The following CLIP2 variants were observed in gnomAD, a reference collection of about 807,000 sequenced individuals.
CLIP2 encodes the protein CAP-Gly domain-containing linker protein 2.
A neutral mutation model predicts 111.7 loss-of-function variants in CLIP2; 41 were observed. The ratio of observed to expected loss-of-function variants is 0.37; its 90% CI spans 0.29 to 0.48. The LOEUF (loss-of-function observed/expected upper bound fraction) is 0.48, where lower values mean the gene tolerates loss of function less well. Among genes scored for constraint, CLIP2 ranks in the 20% least tolerant of loss-of-function variants. The probability of loss-of-function intolerance (pLI) is 0.99; values close to 1 mark genes in which losing one functional copy is unlikely to be tolerated. For synonymous variants in CLIP2, 660 were observed against 644.2 expected (o/e 1.02, Z -0.37); for missense variants, 1,160 against 1,422.1 (o/e 0.82, Z 2.96).
intron 13 of CLIP2, among the ~76,000 whole-genome samples, chr7:74,391,047 C>CA (rs1202946350): frequency 8.2e-5 from 12 of 146,518 alleles, no homozygotes; most frequent in Middle Eastern, 3.4e-3. Context: ...GAAACTCCAT[C>CA]AAAAAAAAAA....
intron 13 of CLIP2, among the ~76,000 whole-genome samples, chr7:74,390,132 GAGAGAAAGAAAGAA>G (rs1791233976): frequency 9.1e-6 from 1 of 110,054 alleles, no homozygotes; most frequent in Non-Finnish European, 1.7e-5. Context: ...AAGAGAGAGA[GAGAGAAAGAAAGAA>G]AGAAAAAGAA....
intron 2 of CLIP2, among the ~76,000 whole-genome samples, chr7:74,329,967 C>T (rs984923083): frequency 7.2e-5 from 11 of 151,846 alleles, no homozygotes; most frequent in Admixed American, 5.9e-4. Flanking sequence ...TTAGTAGAGA[C>T]GGGGTTTCGC....
intron 3 of CLIP2, among the ~76,000 whole-genome samples, chr7:74,340,673 G>A (rs1380123215): frequency 6.6e-6 from 1 of 152,096 alleles, no homozygotes; most frequent in African/African-American, 2.4e-5. Flanking sequence ...GGACAGGGCT[G>A]TGTCTTGCTG....
At position 74,380,809 on chromosome 7, in the gene CLIP2, A is replaced by T. The variant is rs1790920653; in HGVS notation, c.2425A>T (p.Ile809Phe). The change falls in exon 11 of 17, where the codon ATT becomes TTT. Residue 809 changes from isoleucine (I) to phenylalanine (F), a missense_variant. Ile to Phe is a conservative substitution (Grantham distance 21). Around this residue, in one of 5 missense-constraint regions of CLIP2, gnomAD observed 676 missense variants for 777.8 expected, o/e 0.87. Coordinates refer to ENST00000223398, the MANE Select transcript of CLIP2 (RefSeq NM_003388.5). The part of the protein sequence containing the change: ...ALCSSQHTHM[I>F]ESNDISEETI... ...CTTACAGGGGCTCTTTTTGCAGATG[A>T]TTGAGTCGAATGACATTTCAGAGGA... 6.2e-7 allele frequency: 1 copy of T among 1,606,240 alleles called. No homozygotes were observed. Among genetic ancestry groups the T allele is most frequent in the Admixed American group, 1.7e-5 (1 of 59,446 alleles).
intron 7 of CLIP2, among the ~76,000 whole-genome samples, chr7:74,363,682 C>T (rs926454734): frequency 1.5e-4 from 23 of 152,062 alleles, no homozygotes; most frequent in Non-Finnish European, 4.4e-5. Context: ...GCCAGGAGTT[C>T]GAGACCAGCC....
At chr7:74,359,038 C>T (rs1790236637) in intron 6 of CLIP2, among the ~76,000 whole-genome samples, 1 of 151,982 alleles carries the variant, frequency 6.6e-6, no homozygotes, top group Non-Finnish European at 1.5e-5. Context: ...GATCTTGGCT[C>T]ACTGCACCCT....
At chr7:74,320,239 G>A (rs889795697) in intron 2 of CLIP2, among the ~76,000 whole-genome samples, 2 of 149,200 alleles carry the variant, frequency 1.3e-5, no homozygotes, top group African/African-American at 4.9e-5. Flanking sequence ...AAAAAGAGCA[G>A]TGGGGGCCGG....
intron 1 of CLIP2, among the ~76,000 whole-genome samples, chr7:74,290,055 T>G (rs1554725176): frequency 6.6e-6 from 1 of 152,210 alleles, no homozygotes; most frequent in South Asian, 2.1e-4. Context: ...GACGGGGGTT[T>G]GGCCCTTCTG....
At chr7:74,319,633 C>G (rs1344039911) in intron 2 of CLIP2, among the ~76,000 whole-genome samples, 2 of 151,412 alleles carry the variant, frequency 1.3e-5, no homozygotes, top group African/African-American at 4.9e-5. Flanking sequence ...GCCTGGGGAA[C>G]ATAGTGAGAC....
rs71094774 is a variant in CLIP2, at chr7:74,310,036, C to CAAAAAAAAAAAA, written c.-67-7413_-67-7402dup. 4.2e-4 allele frequency among the ~76,000 whole-genome samples: 39 copies of CAAAAAAAAAAAA among 92,478 alleles called. 3 individuals are homozygous for CAAAAAAAAAAAA. The highest frequency in any genetic ancestry group is 8.6e-4 in the African/African-American group (14 of 16,222). 60.7% of individuals were successfully genotyped at this position (92,478 alleles called of 152,430 possible). A position where few individuals can be genotyped will look rare whatever the true frequency, so the allele number is the denominator to read the frequency against. On this transcript the variant is annotated intron_variant, in intron 1 of 16. Transcript: ENST00000223398. Reference sequence around the variant, plus strand: ...GCAATATGGCAAGACCCTGTCTCTACAAAAAAAAAAAAAAAAAAAAAAAAA... The same window carrying CAAAAAAAAAAAA: ...GCAATATGGCAAGACCCTGTCTCTACAAAAAAAAAAAAAAAAAAAAAAAAAAAAAAAAAAAAA...
At chr7:74,353,652 G>A (rs1554307959) in intron 3 of CLIP2, among the ~76,000 whole-genome samples, 1 of 152,238 alleles carries the variant, frequency 6.6e-6, no homozygotes, top group African/African-American at 2.4e-5. Context: ...ATGCAGGTCT[G>A]TGTGTCTGTC....
At position 74,375,935 on chromosome 7, in the gene CLIP2, C is replaced by T; in HGVS notation, c.1534C>T (p.Leu512Phe). 1 of 1,597,376 alleles carries T rather than the reference C, an allele frequency of 6.3e-7. No homozygotes were observed. The change falls in exon 10 of 17, where the codon CTC (leucine) becomes TTC (phenylalanine). Residue 512 changes from leucine to phenylalanine, a missense_variant. Physicochemically the swap from Leu to Phe is conservative, Grantham distance 22 (BLOSUM62 0). Transcript: ENST00000223398. ...GCGCGTGCTGCAGCTGGAGGAGGAG[C>T]TCACCCTGCGCCGAGGTGAAATCGA... ...KSRVLQLEEE[L>F]TLRRGEIEEL...
intron 7 of CLIP2, among the ~76,000 whole-genome samples, chr7:74,362,517 CT>C (rs1342356363): frequency 6.5e-5 from 9 of 137,900 alleles, no homozygotes; most frequent in African/African-American, 2.2e-4. Context: ...ATCTTTTTTT[CT>C]TTTTCTTTTC....
At chr7:74,300,184 G>C (rs1221185786) in intron 1 of CLIP2, among the ~76,000 whole-genome samples, 2 of 146,912 alleles carry the variant, frequency 1.4e-5, no homozygotes, top group African/African-American at 5.1e-5. Context: ...ATGGGATTTT[G>C]CCAGTTTGGC....
chr7:74,306,577 G>A (rs1466934422), intron 1 of CLIP2, among the ~76,000 whole-genome samples: 12 of 152,268 alleles, frequency 7.9e-5, no homozygotes, highest in Non-Finnish European at 1.3e-4. Flanking sequence ...GCAGAGTTCC[G>A]AGGCTGCAGC....
rs536294403 is a variant in CLIP2, at chr7:74,299,635, C to T, written c.-68+9901C>T. On this transcript the variant is annotated intron_variant, in intron 1 of 16. Transcript: ENST00000223398. ...AGTGGGCTCAGCCTCTTCCCCAGCC[C>T]TTGCCTGCAGGAGAAGGTGTGGGAG... Among the ~76,000 whole-genome samples the T allele has an allele frequency of 3.3e-5, 5 of 152,318 alleles. No homozygotes were observed. The South Asian group carries it at 1.0e-3, about 32-fold the overall frequency.
chr7:74,365,045 G>T (rs984797163), intron 8 of CLIP2, among the ~76,000 whole-genome samples: 9 of 125,266 alleles, frequency 7.2e-5, no homozygotes, highest in Non-Finnish European at 1.6e-4. Context: ...GTGTGTGTGT[G>T]TGTGTGACTG....
At chr7:74,397,412 G>A (rs746373678) in intron 14 of CLIP2, among the ~76,000 whole-genome samples, 179 bp downstream of exon 14, 12 of 152,082 alleles carry the variant, frequency 7.9e-5, no homozygotes, top group East Asian at 1.9e-4. Context: ...CTGGCTAGCC[G>A]CTTTTGCAGA....
At chr7:74,332,460 C>CTT (rs386410474) in intron 2 of CLIP2, among the ~76,000 whole-genome samples, 8 of 110,324 alleles carry the variant, frequency 7.3e-5, no homozygotes, top group Admixed American at 2.2e-4. Context: ...CTAGAATTCT[C>CTT]TTTTTTTTTT....
Sources: allele counts gnomAD v4.1 joint callset (sites outside exome capture counted in the v4.1 genomes callset), GRCh38; gene constraint gnomAD v4.1.1; regional missense constraint gnomAD v4.1.1; transcripts MANE v1.5; gene names NCBI Gene and HGNC (gene_info 2026-07-23, HGNC 2026-07-21).